The following KLRG1 variants were observed in gnomAD, a reference collection of about 807,000 sequenced individuals.
KLRG1 encodes the protein killer cell lectin-like receptor subfamily G member 1.
A neutral mutation model predicts 21.8 loss-of-function variants in KLRG1; 16 were observed. The ratio of observed to expected loss-of-function variants is 0.73; its 90% CI spans 0.50 to 1.11. The LOEUF is 1.11. Ranked by LOEUF, KLRG1 falls within the 50% of genes most tolerant of loss-of-function variation. The pLI, the probability that KLRG1 is intolerant of heterozygous loss-of-function variation, is 0.00. For missense variants in KLRG1, 173 were observed against 218.3 expected, an observed-to-expected ratio of 0.79 and a Z score of 1.31; for synonymous variants, 69 against 75.9, an observed-to-expected ratio of 0.91 and a Z score of 0.47.
At chr12:9,094,931 T>C in the KLRG1 span, 1 of 1,116,600 alleles carries the variant, frequency 9.0e-7, no homozygotes, top group East Asian at 2.8e-5. Flanking sequence ...TAAAATTTGG[T>C]GAATATATTA....
chr12:9,198,107 C>T, the KLRG1 span, among the ~76,000 whole-genome samples: 1 of 150,640 alleles, frequency 6.6e-6, no homozygotes, highest in Non-Finnish European at 1.5e-5. Flanking sequence ...AACCCCAACA[C>T]TTTGGGAAGC....
chr12:8,996,338 C>T (rs1947129466), intron 3 of KLRG1, among the ~76,000 whole-genome samples: 1 of 152,266 alleles, frequency 6.6e-6, no homozygotes, highest in East Asian at 1.9e-4. Context: ...AATTTGTCAA[C>T]ATAAATAACA....
rs1946372581 is a variant in KLRG1, at chr12:8,961,021, G to A, written c.-156+10785G>A. ...TTTAATCCCTGTACCAACTCAGCAA[G>A]TTAGGTTTCATTATTATTTCCATTT... On this transcript the variant is annotated intron_variant, in intron 1 of 4. Coordinates refer to the KLRG1 transcript ENST00000539240. Among the ~76,000 whole-genome samples the A allele has an allele frequency of 2.3e-5, 3 of 129,704 alleles. No homozygotes were observed. In the South Asian group the frequency reaches 8.1e-4, roughly 35 times the overall value. The allele number at this position is 129,704 out of a possible 152,430, so 85.1% of individuals were successfully genotyped here.
chr12:8,981,897 T>C (rs1946760616), intron 1 of KLRG1, among the ~76,000 whole-genome samples: 1 of 152,220 alleles, frequency 6.6e-6, no homozygotes, highest in Non-Finnish European at 1.5e-5. Context: ...TCTGTTCATA[T>C]GTTTTGAAGC....
the KLRG1 span, among the ~76,000 whole-genome samples, chr12:9,145,437 A>G: frequency 2.6e-5 from 4 of 152,218 alleles, no homozygotes; most frequent in Admixed American, 1.3e-4. Context: ...AATCACATAC[A>G]AAAACTTTGC....
At chr12:9,091,334 C>A in the KLRG1 span, 1 of 1,614,184 alleles carries the variant, frequency 6.2e-7, no homozygotes, top group Non-Finnish European at 8.5e-7. Context: ...GGAAGAGATA[C>A]CAAGTCCAGC....
chr12:8,968,656 T>C (rs1946519200), intron 1 of KLRG1, among the ~76,000 whole-genome samples: 1 of 152,220 alleles, frequency 6.6e-6, no homozygotes, highest in Non-Finnish European at 1.5e-5. Flanking sequence ...ATGAATAATG[T>C]ACATTCTTTT....
chr12:9,150,715 A>G, the KLRG1 span: 16 of 1,613,052 alleles, frequency 9.9e-6, no homozygotes, highest in Middle Eastern at 3.3e-4. Context: ...TTGCAGAACC[A>G]TGAAGGAAAA....
At chr12:8,985,599 A>T (rs1241270079), upstream of KLRG1, among the ~76,000 whole-genome samples, 1 of 152,204 alleles carries the variant, frequency 6.6e-6, no homozygotes, top group Non-Finnish European at 1.5e-5. Context: ...TTCCCCTTTG[A>T]GTTCAGTTAA....
the KLRG1 span, among the ~76,000 whole-genome samples, chr12:9,050,470 A>C: frequency 0.86 from 130,969 of 152,222 alleles, 56,830 homozygotes; most frequent in African/African-American, 0.89. Context: ...GGGGCTCCCC[A>C]AGGTGCTGCT....
the KLRG1 span, among the ~76,000 whole-genome samples, chr12:9,031,480 C>A: frequency 6.6e-6 from 1 of 152,176 alleles, no homozygotes. Context: ...GCTGCTGGTA[C>A]CTTAGCTCTG....
At chr12:9,042,817 G>T in the KLRG1 span, among the ~76,000 whole-genome samples, 15 of 152,298 alleles carry the variant, frequency 9.8e-5, no homozygotes, top group East Asian at 1.4e-3. Context: ...TATGGGCAAT[G>T]TCTTATAGAA....
chr12:9,019,384 G>A, the KLRG1 span, among the ~76,000 whole-genome samples: 1 of 152,090 alleles, frequency 6.6e-6, no homozygotes, highest in South Asian at 2.1e-4. Flanking sequence ...ACTGAAAATA[G>A]AACTATCATA....
At chr12:9,164,987 A>G in the KLRG1 span, 1 of 945,472 alleles carries the variant, frequency 1.1e-6, no homozygotes, top group African/African-American at 1.6e-5. Flanking sequence ...TATCTTTCTG[A>G]TCATGTCCTG....
the KLRG1 span, chr12:9,065,695 C>G: frequency 0.39 from 59,269 of 152,266 alleles, 12,526 homozygotes; most frequent in African/African-American, 0.53. Context: ...GTCCCACCCT[C>G]AAGCTGGTGA....
chr12:9,011,677 C>T (rs951321824), downstream of KLRG1, among the ~76,000 whole-genome samples: 2 of 152,178 alleles, frequency 1.3e-5, no homozygotes, highest in East Asian at 3.8e-4. Context: ...TGAGCAGTCA[C>T]AGTACCTGGT....
chr12:9,197,403 AT>A, the KLRG1 span, among the ~76,000 whole-genome samples: 2 of 141,770 alleles, frequency 1.4e-5, no homozygotes, highest in Admixed American at 1.5e-4. Flanking sequence ...TAATTATTAT[AT>A]TTTAATGTTT....
At chr12:9,181,175 T>G in the KLRG1 span, 4 of 1,613,034 alleles carry the variant, frequency 2.5e-6, no homozygotes, top group Admixed American at 1.7e-5. Context: ...TTTCCCTACT[T>G]CTGTGATCTT....
the KLRG1 span, chr12:9,152,676 A>G: frequency 1.2e-6 from 1 of 809,776 alleles, no homozygotes; most frequent in Non-Finnish European, 1.8e-6. Flanking sequence ...GGATCACGTC[A>G]TAATGATAAA....
Sources: allele counts gnomAD v4.1 joint callset (sites outside exome capture counted in the v4.1 genomes callset), GRCh38; gene constraint gnomAD v4.1.1; transcripts MANE v1.5; gene names NCBI Gene and HGNC (gene_info 2026-07-23, HGNC 2026-07-21).